The following ANO2 variants were observed in gnomAD, a reference collection of about 807,000 sequenced individuals.
ANO2 encodes anoctamin 2, also known as anoctamin-2.
ANO2 carries 101 observed loss-of-function variants against 124.2 expected under a neutral mutation model. The observed-to-expected ratio is 0.81, with a 90% CI of 0.69 to 0.96. The LOEUF (loss-of-function observed/expected upper bound fraction) is 0.96. ANO2 is among the 40% of genes least tolerant of loss of function. The pLI is 0.00. For missense variants in ANO2, 1,293 were observed against 1,274.5 expected (o/e 1.01, Z -0.22); for synonymous variants, 486 against 482.5 (o/e 1.01, Z -0.09).
intron 3 of ANO2, among the ~76,000 whole-genome samples, chr12:5,873,954 C>T (rs374480728): frequency 9.9e-5 from 15 of 152,198 alleles, no homozygotes; most frequent in South Asian, 4.1e-4. Context: ...CCAAGAGACG[C>T]GCAGAGAAGC....
At chr12:5,666,953 G>A (rs1947759593) in intron 14 of ANO2, among the ~76,000 whole-genome samples, 1 of 152,220 alleles carries the variant, frequency 6.6e-6, no homozygotes, top group Admixed American at 6.5e-5. Context: ...CAACCATGCA[G>A]GTGGAATGTG....
chr12:5,706,596 T>C (rs532044937), intron 14 of ANO2, among the ~76,000 whole-genome samples: 27 of 152,316 alleles, frequency 1.8e-4, no homozygotes. Context: ...CTCTGTCCCC[T>C]TACTTTGCTT....
chr12:5,859,236 C>A (rs1955194305), intron 3 of ANO2, among the ~76,000 whole-genome samples: 1 of 152,168 alleles, frequency 6.6e-6, no homozygotes, highest in African/African-American at 2.4e-5. Context: ...GAAGGGAGAA[C>A]CAGGGCACAG....
intron 3 of ANO2, among the ~76,000 whole-genome samples, chr12:5,882,298 C>T (rs1938558458): frequency 6.6e-6 from 1 of 152,226 alleles, no homozygotes; most frequent in African/African-American, 2.4e-5. Flanking sequence ...ATATAAAAAA[C>T]ACTGGGTTTG....
intron 10 of ANO2, among the ~76,000 whole-genome samples, chr12:5,798,444 G>A (rs1046708959): frequency 1.3e-5 from 2 of 152,094 alleles, no homozygotes; most frequent in African/African-American, 4.8e-5. Context: ...TTTCCAAGCA[G>A]AAGCTGGAAT....
At chr12:5,729,755 C>T (rs1379150520) in intron 14 of ANO2, among the ~76,000 whole-genome samples, 1 of 149,432 alleles carries the variant, frequency 6.7e-6, no homozygotes, top group Non-Finnish European at 1.5e-5. Flanking sequence ...AAGTAGAGAC[C>T]ACCCAAATGA....
At chr12:5,674,085 C>T (rs1267417535) in intron 14 of ANO2, among the ~76,000 whole-genome samples, 1 of 152,154 alleles carries the variant, frequency 6.6e-6, no homozygotes, top group Non-Finnish European at 1.5e-5. Context: ...TAAGGCTTGC[C>T]TCAGTCACAT....
At chr12:5,774,287 TCAA>T (rs1202729423) in intron 10 of ANO2, among the ~76,000 whole-genome samples, 7 of 151,866 alleles carry the variant, frequency 4.6e-5, no homozygotes, top group South Asian at 2.1e-4. Context: ...AAACCCCACG[TCAA>T]CAACAACAAC....
chr12:5,832,454 G>A lies in ANO2; in HGVS notation c.783C>T (p.Tyr261=). The change falls in exon 5 of 25, where the codon TAC becomes TAT. Residue 261 remains tyrosine, a splice_region_variant and synonymous_variant. Coordinates refer to ENST00000682330, the MANE Select transcript of ANO2 (RefSeq NM_001364791.2). The part of the protein sequence containing the change: ...LSYPFSREKM[Y]LYNIQEKDTF... ...GCTCCAGCAGCTTCAATACTCACAG[G>A]TACATCTTCTCCCTGGAGAATGGGT... 1 of 1,613,876 alleles carries A rather than the reference G, an allele frequency of 6.2e-7. No individual in the cohort carries two copies. The highest frequency in any genetic ancestry group is 8.5e-7 in the Non-Finnish European group (1 of 1,179,844).
chr12:5,766,615 G>A (rs766317345), intron 10 of ANO2, among the ~76,000 whole-genome samples: 1 of 152,168 alleles, frequency 6.6e-6, no homozygotes, highest in Admixed American at 6.5e-5. Context: ...TCTGGGTATT[G>A]GTTGCATGGA....
chr12:5,894,115 AGT>A (rs1363396640), intron 3 of ANO2, among the ~76,000 whole-genome samples: 1 of 152,182 alleles, frequency 6.6e-6, no homozygotes, highest in Non-Finnish European at 1.5e-5. Flanking sequence ...ACAGTGTAAA[AGT>A]GTTCCTATTC....
intron 16 of ANO2, among the ~76,000 whole-genome samples, chr12:5,633,190 C>T (rs183623931): frequency 3.3e-5 from 5 of 152,258 alleles, no homozygotes; most frequent in African/African-American, 9.6e-5. Context: ...TAGAAGAGGA[C>T]GCTGGCATTC....
intron 3 of ANO2, chr12:5,858,794 G>A (rs973220039): frequency 1.3e-5 from 2 of 152,244 alleles, no homozygotes; most frequent in Non-Finnish European, 1.5e-5. Flanking sequence ...GACAGTATCT[G>A]AAACTTCTTC....
intron 10 of ANO2, among the ~76,000 whole-genome samples, chr12:5,776,429 T>C (rs1009268576): frequency 1.3e-5 from 2 of 152,216 alleles, no homozygotes; most frequent in Admixed American, 6.5e-5. Context: ...TTATACATCT[T>C]TTTATTCCCA....
At chr12:5,860,453 T>C (rs995229927) in intron 3 of ANO2, among the ~76,000 whole-genome samples, 10 of 152,190 alleles carry the variant, frequency 6.6e-5, no homozygotes, top group South Asian at 2.1e-4. Context: ...ACCTGACGTA[T>C]AGTAAGTGCT....
At chr12:5,926,475 C>T (rs901028600) in intron 1 of ANO2, among the ~76,000 whole-genome samples, 5 of 152,168 alleles carry the variant, frequency 3.3e-5, no homozygotes, top group African/African-American at 1.2e-4. Context: ...TCCACCCCCT[C>T]TCTCCTGCTG....
chr12:5,625,119 T>C (rs1169903119), intron 16 of ANO2, among the ~76,000 whole-genome samples: 2 of 152,090 alleles, frequency 1.3e-5, no homozygotes, highest in African/African-American at 4.8e-5. Context: ...AACGGGAAGC[T>C]GTTGTAGATT....
At chr12:5,799,398 G>C in intron 10 of ANO2, 109 bp downstream of exon 10, 1 of 933,056 alleles carries the variant, frequency 1.1e-6, no homozygotes, top group East Asian at 2.6e-5. Context: ...AGCTAGAAAA[G>C]AAGATCCCTC....
chr12:5,774,980 GT>G (rs1952185050), intron 10 of ANO2, among the ~76,000 whole-genome samples: 2 of 152,154 alleles, frequency 1.3e-5, no homozygotes, highest in Admixed American at 6.5e-5. Flanking sequence ...CACCTACACT[GT>G]TTTTTACATA....
Sources: allele counts gnomAD v4.1 joint callset (sites outside exome capture counted in the v4.1 genomes callset), GRCh38; gene constraint gnomAD v4.1.1; transcripts MANE v1.5; gene names NCBI Gene and HGNC (gene_info 2026-07-23, HGNC 2026-07-21).